The following SEC22C variants were observed in gnomAD, a reference collection of about 807,000 sequenced individuals.
The protein encoded by SEC22C is SEC22 homolog C, vesicle trafficking protein, also known as vesicle-trafficking protein SEC22c.
A neutral mutation model predicts 34.7 loss-of-function variants in SEC22C; 29 were observed. The observed-to-expected ratio is 0.84, with a 90% CI of 0.62 to 1.14. The LOEUF is 1.14. SEC22C is among the 50% of genes most tolerant of loss of function. The pLI is 0.00. For synonymous variants in SEC22C, 117 were observed against 132.8 expected (o/e 0.88, Z 0.82); for missense variants, 337 against 369.0 (o/e 0.91, Z 0.71).
intron 1 of SEC22C, among the ~76,000 whole-genome samples, chr3:42,569,795 G>A (rs1176477191): frequency 6.6e-6 from 1 of 152,174 alleles, no homozygotes; most frequent in Non-Finnish European, 1.5e-5. Flanking sequence ...AAACAGATCT[G>A]AACCCTCGTG....
chr3:42,590,061 T>TA (rs1279386033), intron 1 of SEC22C, among the ~76,000 whole-genome samples: 1 of 152,164 alleles, frequency 6.6e-6, no homozygotes, highest in Non-Finnish European at 1.5e-5. Flanking sequence ...TCGTCATCTG[T>TA]AAAATGGAGA....
At position 42,550,752 on chromosome 3, in the gene SEC22C, C is replaced by T; in HGVS notation, c.*2496G>A. 2.0e-6 allele frequency: 2 copies of T among 985,240 alleles called. No individual in the cohort carries two copies. Among genetic ancestry groups the T allele is most frequent in the Non-Finnish European group, 2.4e-6 (2 of 829,930 alleles). 61.0% of individuals were successfully genotyped at this position (985,240 alleles called of 1,614,324 possible). ...TCTTCAAGGACCGTTTCTTTACTGC[C>T]TGCTGAATATGGATCATAGGCTCAG... On this transcript the variant is annotated 3_prime_UTR_variant, in exon 7 of 7. Coordinates refer to ENST00000264454, the MANE Select transcript of SEC22C (RefSeq NM_032970.4).
chr3:42,560,397 G>A (rs1044939685), intron 4 of SEC22C, among the ~76,000 whole-genome samples: 6 of 150,792 alleles, frequency 4.0e-5, no homozygotes, highest in East Asian at 3.9e-4. Flanking sequence ...CCAGCTAAGC[G>A]TGGTAGCTCA....
chr3:42,554,472 G>A (rs994100539), intron 6 of SEC22C, among the ~76,000 whole-genome samples: 1 of 152,096 alleles, frequency 6.6e-6, no homozygotes, highest in Non-Finnish European at 1.5e-5. Flanking sequence ...AGCCTCCCAA[G>A]TAGCTGGGAC....
chr3:42,579,609 A>G (rs1209639797), intron 1 of SEC22C: 1 of 141,282 alleles, frequency 7.1e-6, no homozygotes, highest in Non-Finnish European at 1.6e-5. Flanking sequence ...TCAAAAAACA[A>G]AAAAAAAAAA....
At chr3:42,560,471 C>T (rs1477189652) in intron 4 of SEC22C, among the ~76,000 whole-genome samples, 2 of 148,994 alleles carry the variant, frequency 1.3e-5, no homozygotes, top group African/African-American at 4.9e-5. Flanking sequence ...CCCAGGAGTT[C>T]GAGACCAGCC....
upstream of SEC22C, among the ~76,000 whole-genome samples, chr3:42,585,996 C>G (rs571894977): frequency 3.9e-4 from 59 of 152,188 alleles, no homozygotes; most frequent in African/African-American, 1.4e-3. Flanking sequence ...AAAGAGCAAC[C>G]ATCAAAGTGA....
In SEC22C at chr3:42,552,107, A is replaced by T. The variant is rs1004392588; in HGVS notation, c.*1141T>A. On this transcript the variant is annotated 3_prime_UTR_variant, in exon 7 of 7. Coordinates refer to ENST00000264454, the MANE Select transcript of SEC22C (RefSeq NM_032970.4). ...CAGAACCATATTTTGGAAAACTGTGATCAATCAATTTTTTGACAGTGAAAG... is the reference window on the plus strand; with the variant it reads ...CAGAACCATATTTTGGAAAACTGTGTTCAATCAATTTTTTGACAGTGAAAG... 1.0e-6 allele frequency: 1 copy of T among 985,346 alleles called. No individual in the cohort carries two copies. The highest frequency in any genetic ancestry group is 1.1e-4 in the East Asian group (1 of 8,832). 61.0% of individuals were successfully genotyped at this position (985,346 alleles called of 1,614,324 possible).
chr3:42,585,023 G>A (rs1014595339), upstream of SEC22C, among the ~76,000 whole-genome samples: 1 of 152,158 alleles, frequency 6.6e-6, no homozygotes, highest in Non-Finnish European at 1.5e-5. Context: ...CAGCTACTTG[G>A]GAGGCTGAGG....
chr3:42,567,485 GT>G (rs1188031828), intron 2 of SEC22C, among the ~76,000 whole-genome samples: 2 of 151,964 alleles, frequency 1.3e-5, no homozygotes, highest in Admixed American at 6.6e-5. Flanking sequence ...ACTTAGTTAA[GT>G]TTTTTTTACC....
intron 6 of SEC22C, 65 bp downstream of exon 6, chr3:42,555,865 G>A (rs1417487867): frequency 3.1e-6 from 4 of 1,303,738 alleles, no homozygotes; most frequent in Non-Finnish European, 3.3e-6. Context: ...CTTGCTGATA[G>A]ATGAACAGAA....
intron 6 of SEC22C, among the ~76,000 whole-genome samples, chr3:42,555,285 T>C (rs1011411047): frequency 6.6e-6 from 1 of 151,174 alleles, no homozygotes; most frequent in African/African-American, 2.4e-5. Flanking sequence ...AGGCAGAGCT[T>C]GCAGTGAGCC....
chr3:42,555,969 A>G lies in SEC22C; in HGVS notation c.672T>C (p.Ile224=). 1 of 1,613,684 alleles carries G rather than the reference A, an allele frequency of 6.2e-7. No homozygotes were observed. The change falls in exon 6 of 7, where the codon ATT becomes ATC. Residue 224 remains isoleucine, a synonymous_variant. Transcript: ENST00000264454. Reference sequence around the variant, plus strand: ...CTACGAAAGGAACAAGAAAAGCCAGAATGTTTCCAATTTCCTCATGGGCAA... The same window carrying G: ...CTACGAAAGGAACAAGAAAAGCCAGGATGTTTCCAATTTCCTCATGGGCAA... The part of the protein sequence containing the change: ...LQVAHEEIGN[I]LAFLVPFVAC...
chr3:42,561,396 A>G, intron 3 of SEC22C, 100 bp from the exon 4 acceptor site: 1 of 1,254,772 alleles, frequency 8.0e-7, no homozygotes, highest in Non-Finnish European at 1.1e-6. Context: ...TTTTGAAGAT[A>G]GGGTCTCACT....
chr3:42,549,066 G>A lies in SEC22C; in HGVS notation c.*4182C>T, dbSNP rs146514408. The A allele has an allele frequency of 7.7e-4, 750 of 977,378 alleles. 6 individuals carry two copies. The African/African-American group carries it at 0.011, about 15-fold the overall frequency. 60.5% of individuals were successfully genotyped at this position (977,378 alleles called of 1,614,324 possible). A position where few individuals can be genotyped will look rare whatever the true frequency, so the allele number is the denominator to read the frequency against. ...TCAGTGAAGAGCCTAGCCAGCTGAC[G>A]GTCAGCTGACTGGTGCACTCTTTCC... On this transcript the variant is annotated 3_prime_UTR_variant, in exon 7 of 7. Transcript: ENST00000264454.
upstream of SEC22C, among the ~76,000 whole-genome samples, chr3:42,584,187 C>T (rs529167463): frequency 6.6e-6 from 1 of 152,116 alleles, no homozygotes; most frequent in African/African-American, 2.4e-5. Flanking sequence ...TCTGGAGAAC[C>T]TTGACTAATA....
Position 42,591,457 on chromosome 3 carries a change from G to C in SEC22C, c.-28+9503C>G, listed in dbSNP as rs151062441. ...ATCCGCCTAGATCGGCCTCCCAAAG[G>C]GCCGGGGTTACAGGCGTGAGCCACT... On this transcript the variant is annotated intron_variant, in intron 1 of 6. Transcript: ENST00000417572. 4.2e-4 allele frequency: 507 copies of C among 1,201,662 alleles called. No individual in the cohort carries two copies. The African/African-American group carries it at 6.8e-3, about 16-fold the overall frequency. The allele number at this position is 1,201,662 out of a possible 1,614,324, so 74.4% of individuals were successfully genotyped here. A position where few individuals can be genotyped will look rare whatever the true frequency, so the allele number is the denominator to read the frequency against.
chr3:42,586,148 C>T (rs116011227), upstream of SEC22C, among the ~76,000 whole-genome samples: 1,706 of 152,314 alleles, frequency 0.011, 15 homozygotes, highest in Non-Finnish European at 0.016. Flanking sequence ...ATTTCTCAGT[C>T]CCCTGCAGTT....
chr3:42,579,239 C>A (rs1309499528), intron 1 of SEC22C, among the ~76,000 whole-genome samples: 1 of 151,422 alleles, frequency 6.6e-6, no homozygotes, highest in African/African-American at 2.4e-5. Flanking sequence ...ATTGTGCCAT[C>A]ACACTCCAGC....
Sources: allele counts gnomAD v4.1 joint callset (sites outside exome capture counted in the v4.1 genomes callset), GRCh38; gene constraint gnomAD v4.1.1; transcripts MANE v1.5; gene names NCBI Gene and HGNC (gene_info 2026-07-23, HGNC 2026-07-21).